SLC12A2: variants seen among roughly 807,000 people sequenced by gnomAD.
SLC12A2 encodes solute carrier family 12 member 2.
Under a neutral mutation model 136.3 loss-of-function variants are expected in SLC12A2, and 67 were observed. The ratio of observed to expected loss-of-function variants is 0.49; its 90% CI spans 0.40 to 0.60. The LOEUF is 0.60. SLC12A2 is among the 20% of genes least tolerant of loss of function. SLC12A2 has a pLI of 0.00. For missense variants in SLC12A2, 1,322 were observed against 1,534.7 expected, an observed-to-expected ratio of 0.86 and a Z score of 2.32; for synonymous variants, 619 against 562.9, an observed-to-expected ratio of 1.10 and a Z score of -1.41.
At chr5:128,167,222 C>T (rs908915411) in intron 17 of SLC12A2, among the ~76,000 whole-genome samples, 4 of 152,012 alleles carry the variant, frequency 2.6e-5, no homozygotes, top group African/African-American at 9.7e-5. Flanking sequence ...TATTGTTAAA[C>T]ATACTGAGTT....
intron 1 of SLC12A2, among the ~76,000 whole-genome samples, chr5:128,108,467 T>TA: frequency 6.6e-6 from 1 of 151,996 alleles, no homozygotes; most frequent in Non-Finnish European, 1.5e-5. Context: ...TATCTGGCAA[T>TA]AAAAAGGAGT....
At chr5:128,169,352 T>C (rs1390206896) in intron 18 of SLC12A2, 2 of 152,216 alleles carry the variant, frequency 1.3e-5, no homozygotes, top group African/African-American at 4.8e-5. Context: ...GGAACTCCTG[T>C]TGTATCTTTG....
rs1762166707 is a variant in SLC12A2 at position 128,135,715 on chromosome 5, T to C, written c.1315T>C (p.Leu439=). 5 of 1,608,730 alleles carry C rather than the reference T, an allele frequency of 3.1e-6. No individual in the cohort carries two copies. The Admixed American group carries it at 6.7e-5, about 21-fold the overall frequency. The part of the protein sequence containing the change: ...EWEAKAQIVL[L]VILLLAIGDF... ...AAAATTGCAGGCTCAGATTGTTCTT[T>C]TGGTGATCCTACTTCTTGCTATTGG... Residue 439 remains leucine, a synonymous_variant, in exon 7 of 27, where the codon TTG becomes CTG. Coordinates refer to ENST00000262461, the MANE Select transcript of SLC12A2 (RefSeq NM_001046.3).
intron 21 of SLC12A2, 128 bp from the exon 22 acceptor site, chr5:128,178,439 A>T (rs938930450): frequency 1.8e-6 from 1 of 556,210 alleles, no homozygotes; most frequent in Admixed American, 4.1e-5. Context: ...TAGATGCCGT[A>T]TACAATTGTC....
At chr5:128,171,612 C>G in intron 18 of SLC12A2, 55 bp from the exon 19 acceptor site, 1 of 1,172,398 alleles carries the variant, frequency 8.5e-7, no homozygotes, top group Non-Finnish European at 1.2e-6. Context: ...GAGGATAACA[C>G]AAATTTTTGT....
intron 1 of SLC12A2, among the ~76,000 whole-genome samples, chr5:128,100,473 T>C (rs1760706172): frequency 6.6e-6 from 1 of 152,118 alleles, no homozygotes; most frequent in Non-Finnish European, 1.5e-5. Context: ...GTAGATATAA[T>C]GCAAATATTC....
At chr5:128,180,160 T>G (rs1431783170) in intron 22 of SLC12A2, among the ~76,000 whole-genome samples, 2 of 151,422 alleles carry the variant, frequency 1.3e-5, no homozygotes, top group African/African-American at 4.9e-5. Flanking sequence ...TTAGTAGAGA[T>G]GGGGTTTCAT....
At position 128,084,094 on chromosome 5, in the gene SLC12A2, C is replaced by A; in HGVS notation, c.140C>A (p.Ala47Glu). Reference protein sequence around the residue: ...TAVPSVPEDAAPASRDGGGVR... With the variant: ...TAVPSVPEDAEPASRDGGGVR... ...GTGCCCTCGGTGCCGGAGGATGCTG[C>A]GCCCGCGAGCCGGGACGGCGGCGGG... is the stretch of plus-strand genomic sequence containing the variant. Residue 47 changes from alanine to glutamate, a missense_variant, in exon 1 of 27, where the codon GCG (alanine) becomes GAG (glutamate). Coordinates refer to ENST00000262461, the MANE Select transcript of SLC12A2 (RefSeq NM_001046.3). The surrounding 1 kb of genome is among the most constrained non-coding windows in gnomAD (Gnocchi z 5.6). The A allele has an allele frequency of 7.6e-7, 1 of 1,314,550 alleles. No individual in the cohort carries two copies. Among genetic ancestry groups the A allele is most frequent in the Non-Finnish European group, 9.7e-7 (1 of 1,035,838 alleles). 81.4% of individuals were successfully genotyped at this position (1,314,550 alleles called of 1,614,324 possible).
Position 128,188,363 on chromosome 5 carries a change from T to C in SLC12A2, c.*1732T>C, listed in dbSNP as rs11957052. ...ACGCTGGAATGCAGTAACGTGATCT[T>C]GGCTCACTGCGACCTCCACCTCCCC... On this transcript the variant is annotated 3_prime_UTR_variant, in exon 27 of 27. Transcript: ENST00000262461. 0.3 allele frequency: 44,185 copies of C among 147,166 alleles called. 7,597 individuals carry two copies. Among genetic ancestry groups the C allele is most frequent in the African/African-American group, 0.48 (18,877 of 39,494 alleles). The allele number at this position is 147,166 out of a possible 1,614,324, so 9.1% of individuals were successfully genotyped here.
intron 1 of SLC12A2, chr5:128,110,633 G>A (rs1761109755): frequency 9.2e-7 from 1 of 1,090,816 alleles, no homozygotes; most frequent in Non-Finnish European, 1.4e-6. Flanking sequence ...TTACTAGTTA[G>A]TGACAGTGTT....
At chr5:128,141,579 A>G (rs942960058) in intron 9 of SLC12A2, among the ~76,000 whole-genome samples, 2 of 152,148 alleles carry the variant, frequency 1.3e-5, no homozygotes, top group African/African-American at 4.8e-5. Flanking sequence ...AACTCTTTAC[A>G]TGGTTTTTAA....
intron 2 of SLC12A2, 122 bp from the exon 3 acceptor site, chr5:128,114,090 T>C: frequency 1.4e-6 from 1 of 723,982 alleles, no homozygotes; most frequent in Non-Finnish European, 2.4e-6. Flanking sequence ...AGGAGTTAGA[T>C]TTAAAACTAC....
At position 128,178,648 on chromosome 5, in the gene SLC12A2, G is replaced by A; in HGVS notation, c.3059G>A (p.Gly1020Glu). The change falls in exon 22 of 27, where the codon GGA becomes GAA. Residue 1020 changes from glycine (G) to glutamate (E), a missense_variant. By Grantham distance (98) the Gly-to-Glu change is moderately conservative. Coordinates refer to ENST00000262461, the MANE Select transcript of SLC12A2 (RefSeq NM_001046.3). Reference protein sequence around the residue: ...EASTQFQKKQGKNTIDVWWLF... With the variant: ...EASTQFQKKQEKNTIDVWWLF... The stretch of plus-strand genomic sequence containing the variant: ...AGTACACAGTTTCAGAAAAAACAAG[G>A]AAAGAATACTATTGATGTCTGGTGG... 2 of 1,599,630 alleles carry A rather than the reference G, an allele frequency of 1.3e-6. No homozygotes were observed. The highest frequency in any genetic ancestry group is 1.7e-6 in the Non-Finnish European group (2 of 1,173,638).
Position 128,114,235 on chromosome 5 carries a change from G to A in SLC12A2, c.900G>A (p.Trp300Ter). ...GVLVRCMLNIWGVMLFIRLSW... is the reference protein window; with the variant it reads ...GVLVRCMLNI ...AGGTACGTTGTATGTTAAACATTTG[G>A]GGTGTGATGCTTTTCATTAGATTGT... is the stretch of plus-strand genomic sequence containing the variant. Residue 300 changes from tryptophan (W) to a stop codon, truncating the protein, a stop_gained, in exon 3 of 27, where the codon TGG (tryptophan) becomes TGA (stop). Transcript: ENST00000262461. LOFTEE classifies it high-confidence loss of function. 2 of 1,613,314 alleles carry A rather than the reference G, an allele frequency of 1.2e-6. No individual in the cohort carries two copies. The highest frequency in any genetic ancestry group is 1.7e-6 in the Non-Finnish European group (2 of 1,179,580).
chr5:128,133,596 G>T (rs1223334073), intron 5 of SLC12A2, among the ~76,000 whole-genome samples: 1 of 151,972 alleles, frequency 6.6e-6, no homozygotes, highest in Non-Finnish European at 1.5e-5. Context: ...TTGAGAAGTG[G>T]TAGTAATTGA....
chr5:128,096,225 G>A (rs1347705369), intron 1 of SLC12A2, among the ~76,000 whole-genome samples: 2 of 151,952 alleles, frequency 1.3e-5, no homozygotes, highest in African/African-American at 4.8e-5. Flanking sequence ...GAAAGATGAG[G>A]TATTAGGAAA....
Position 128,158,090 on chromosome 5 carries a change from C to T in SLC12A2, c.2401C>T (p.Arg801Cys), listed in dbSNP as rs749191477. The change falls in exon 16 of 27, where the codon CGT becomes TGT. Residue 801 changes from arginine to cysteine, a missense_variant. By Grantham distance (180) the Arg-to-Cys change is radical. Transcript: ENST00000262461. Reference sequence around the variant, plus strand: ...TGTTATGACAGGTGCTCCAAACTCACGTCCAGCTTTACTTCATCTTGTTCA... The same window carrying T: ...TGTTATGACAGGTGCTCCAAACTCATGTCCAGCTTTACTTCATCTTGTTCA... ...CLVMTGAPNS[R>C]PALLHLVHDF... 4.3e-6 allele frequency: 7 copies of T among 1,613,624 alleles called. No homozygotes were observed. Among genetic ancestry groups the T allele is most frequent in the South Asian group, 1.1e-5 (1 of 91,036 alleles).
At chr5:128,176,853 T>G (rs1310059731) in intron 20 of SLC12A2, among the ~76,000 whole-genome samples, 1 of 152,084 alleles carries the variant, frequency 6.6e-6, no homozygotes, top group African/African-American at 2.4e-5. Flanking sequence ...ATGCTGAAAT[T>G]TAAAAAGTAA....
Position 128,158,603 on chromosome 5 carries a change from T to C in SLC12A2, c.2475+439T>C, listed in dbSNP as rs564059163. ...CACATTTTCTTTATCCAGTCTACCATTGATGGGCATTTAGGTTGATTCCAT... is the reference window on the plus strand; with the variant it reads ...CACATTTTCTTTATCCAGTCTACCACTGATGGGCATTTAGGTTGATTCCAT... On this transcript the variant is annotated intron_variant, in intron 16 of 26. Coordinates refer to ENST00000262461, the MANE Select transcript of SLC12A2 (RefSeq NM_001046.3). Among the ~76,000 whole-genome samples, 137 of 152,322 alleles carry C rather than the reference T, an allele frequency of 9.0e-4. 2 individuals carry two copies. In the Middle Eastern group the frequency reaches 0.01, roughly 11 times the overall value.
Sources: gnomAD v4.1 joint callset for allele counts (sites outside exome capture counted in the v4.1 genomes callset) on GRCh38, gnomAD v4.1.1 for gene constraint, Gnocchi (gnomAD v3.1) non-coding constraint, MANE v1.5 for transcripts, NCBI Gene and HGNC (gene_info 2026-07-23, HGNC 2026-07-21) for gene names.